Variants in ACO2 observed in about 807,000 individuals in gnomAD.
ACO2 encodes aconitase 2.
ACO2 carries 31 observed loss-of-function variants against 84.5 expected under a neutral mutation model. The ratio of observed to expected loss-of-function variants is 0.37; its 90% CI spans 0.28 to 0.50. ACO2 has a LOEUF of 0.50. ACO2 is among the 20% of genes least tolerant of loss of function. ACO2 has a pLI of 0.97. For missense variants in ACO2, 685 were observed against 1,029.3 expected, an observed-to-expected ratio of 0.67 and a Z score of 4.58; for synonymous variants, 414 against 412.7, an observed-to-expected ratio of 1.00 and a Z score of -0.04.
At chr22:41,522,645 A>G (rs545872291) in intron 9 of ACO2, among the ~76,000 whole-genome samples, 185 bp from the exon 10 acceptor site, 1 of 144,746 alleles carries the variant, frequency 6.9e-6, no homozygotes, top group South Asian at 2.4e-4. Flanking sequence ...ACGCCACGTC[A>G]TGAGTTAGCC....
chr22:41,497,091 C>CG (rs1401400231), intron 1 of ACO2, among the ~76,000 whole-genome samples: 1 of 150,678 alleles, frequency 6.6e-6, no homozygotes, highest in Non-Finnish European at 1.5e-5. Context: ...TTTTTCGAGA[C>CG]GGAGTTTCGC....
chr22:41,525,241 A>G lies in ACO2; in HGVS notation c.1654A>G (p.Ser552Gly). Residue 552 changes from serine (S) to glycine (G), a missense_variant, in exon 14 of 18, where the codon AGC becomes GGC. Ser to Gly is a moderately conservative substitution (Grantham distance 56). Around this residue, in one of 5 missense-constraint regions of ACO2, gnomAD observed 311 missense variants for 441.6 expected, o/e 0.70. Transcript: ENST00000216254. ...CTACCAGCACCCACCCAAGGACAGCAGCGGGCAGCATGTGGACGTGAGCCC... is the reference window on the plus strand; with the variant it reads ...CTACCAGCACCCACCCAAGGACAGCGGCGGGCAGCATGTGGACGTGAGCCC... Reference protein sequence around the residue: ...DTYQHPPKDSSGQHVDVSPTS... With the variant: ...DTYQHPPKDSGGQHVDVSPTS... 1 of 1,614,092 alleles carries G rather than the reference A, an allele frequency of 6.2e-7. No homozygotes were observed. The highest frequency in any genetic ancestry group is 8.5e-7 in the Non-Finnish European group (1 of 1,179,988).
chr22:41,514,997 C>T (rs2066464218), intron 4 of ACO2, among the ~76,000 whole-genome samples: 1 of 152,216 alleles, frequency 6.6e-6, no homozygotes, highest in Non-Finnish European at 1.5e-5. Flanking sequence ...GGTGGGGATG[C>T]TCCACACCCA....
At chr22:41,470,247 C>A (rs975666854) in intron 1 of ACO2, among the ~76,000 whole-genome samples, 3 of 152,184 alleles carry the variant, frequency 2.0e-5, no homozygotes, top group Non-Finnish European at 4.4e-5. Flanking sequence ...TCTCTGTCAA[C>A]CTTTCACATT....
rs2066470680 is a variant in ACO2, at chr22:41,515,702, C to T, written c.685-65C>T. On this transcript the variant is annotated intron_variant, in intron 5 of 17. Coordinates refer to ENST00000216254, the MANE Select transcript of ACO2 (RefSeq NM_001098.3). The surrounding 1 kb of genome is among the most constrained non-coding windows in gnomAD (Gnocchi z 5.8). ...GCAATGTGAATGGCAGCAGGGCCAT[C>T]CTGACTTCGTGGCTGGCACAGGCAC... 5 of 1,609,900 alleles carry T rather than the reference C, an allele frequency of 3.1e-6. No individual in the cohort carries two copies. Among genetic ancestry groups the T allele is most frequent in the Non-Finnish European group, 4.2e-6 (5 of 1,178,194 alleles).
chr22:41,469,546 A>T (rs1395191625), intron 1 of ACO2: 1 of 244,528 alleles, frequency 4.1e-6, no homozygotes, highest in African/African-American at 2.2e-5. Flanking sequence ...GTCGTTGTTG[A>T]GTCTTCTAGG....
intron 2 of ACO2, among the ~76,000 whole-genome samples, chr22:41,503,704 A>G (rs2066370796): frequency 1.3e-5 from 2 of 152,020 alleles, no homozygotes; most frequent in African/African-American, 4.8e-5. Flanking sequence ...CCTAGGGCCC[A>G]TTTGGTGATG....
At position 41,523,932 on chromosome 22, in the gene ACO2, G is replaced by A. The variant is rs148997312; in HGVS notation, c.1473G>A (p.Thr491=). The A allele has an allele frequency of 1.2e-5, 20 of 1,612,950 alleles. No individual in the cohort carries two copies. Among genetic ancestry groups the A allele is most frequent in the Middle Eastern group, 1.8e-4 (1 of 5,498 alleles). The change falls in exon 12 of 18, where the codon ACG becomes ACA. Residue 491 remains threonine, a synonymous_variant. Coordinates refer to ENST00000216254, the MANE Select transcript of ACO2 (RefSeq NM_001098.3). ...DANPETHAFV[T]SPEIVTALAI... is the part of the protein sequence containing the mutation. ...ACCCCGAGACCCATGCCTTTGTCAC[G>A]TCCCCAGAGGTGAGACTGCCCAGCT...
At position 41,507,807 on chromosome 22, in the gene ACO2, A is replaced by T. The variant is rs775780883; in HGVS notation, c.190A>T (p.Thr64Ser). ...TCCCCACAGACTGAACCGGCCGCTG[A>T]CACTCTCGGAGAAGATTGTGTATGG... ...IVRKRLNRPL[T>S]LSEKIVYGHL... The change falls in exon 3 of 18, where the codon ACA becomes TCA. Residue 64 changes from threonine to serine, a missense_variant. Thr to Ser is a moderately conservative substitution (Grantham distance 58). This residue lies in a region of ACO2 where 98 missense variants were observed against 107.6 expected (regional missense o/e 0.91). Transcript: ENST00000216254. 8 of 1,613,892 alleles carry T rather than the reference A, an allele frequency of 5.0e-6. No individual in the cohort carries two copies. In the East Asian group the frequency reaches 1.6e-4, roughly 31 times the overall value.
At chr22:41,478,435 C>T (rs1004886538) in intron 1 of ACO2, among the ~76,000 whole-genome samples, 2 of 152,152 alleles carry the variant, frequency 1.3e-5, no homozygotes, top group Non-Finnish European at 2.9e-5. Flanking sequence ...TGAGCCACTG[C>T]GCCTGGCCAA....
intron 1 of ACO2, among the ~76,000 whole-genome samples, chr22:41,485,951 T>C (rs923692043): frequency 3.3e-4 from 50 of 151,918 alleles, no homozygotes; most frequent in African/African-American, 1.2e-3. Context: ...CTTCACTTGG[T>C]GAGTCTCTGT....
intron 16 of ACO2, 21 bp from the exon 17 acceptor site, chr22:41,527,880 C>T (rs772585907): frequency 1.7e-5 from 28 of 1,614,106 alleles, no homozygotes; most frequent in Middle Eastern, 1.6e-4. Flanking sequence ...CCCCGATGAC[C>T]GAATGCCGCC....
chr22:41,513,606 C>T (rs560477936), intron 4 of ACO2, among the ~76,000 whole-genome samples: 1 of 61,036 alleles, frequency 1.6e-5, no homozygotes, highest in Non-Finnish European at 3.0e-5. Context: ...GATCTCTTCA[C>T]ATTATGTTCC....
intron 8 of ACO2, among the ~76,000 whole-genome samples, chr22:41,519,516 C>G (rs2066504315): frequency 6.6e-6 from 1 of 152,032 alleles, no homozygotes; most frequent in African/African-American, 2.4e-5. Flanking sequence ...TGTCATGATT[C>G]CAAAAGCGGC....
chr22:41,513,812 C>A (rs531504181), intron 4 of ACO2, among the ~76,000 whole-genome samples: 1 of 152,306 alleles, frequency 6.6e-6, no homozygotes, highest in East Asian at 1.9e-4. Flanking sequence ...TCCCAGCCCT[C>A]ACCCCCATCT....
intron 1 of ACO2, among the ~76,000 whole-genome samples, chr22:41,489,749 G>A (rs544079400): frequency 7.2e-5 from 11 of 151,798 alleles, no homozygotes; most frequent in African/African-American, 2.4e-4. Flanking sequence ...CGGTGGTGCC[G>A]TGTTTGATCT....
At chr22:41,523,060 G>T (rs1272560823) in intron 10 of ACO2, 73 bp downstream of exon 10, 1 of 1,588,026 alleles carries the variant, frequency 6.3e-7, no homozygotes, top group Non-Finnish European at 8.6e-7. Context: ...CACAAGCCCA[G>T]AGGCCTGTTG....
At chr22:41,500,030 G>A (rs982223517) in intron 2 of ACO2, among the ~76,000 whole-genome samples, 168 bp downstream of exon 2, 2 of 152,162 alleles carry the variant, frequency 1.3e-5, no homozygotes, top group African/African-American at 4.8e-5. Flanking sequence ...GATCAGTGGT[G>A]TAACTTCTGT....
intron 1 of ACO2, among the ~76,000 whole-genome samples, chr22:41,485,083 G>A (rs188585955): frequency 6.6e-6 from 1 of 151,976 alleles, no homozygotes; most frequent in Non-Finnish European, 1.5e-5. Context: ...CTCCATGTTG[G>A]TCAGGCTAGT....
Sources: allele counts gnomAD v4.1 joint callset (sites outside exome capture counted in the v4.1 genomes callset), GRCh38; gene constraint gnomAD v4.1.1; regional missense constraint gnomAD v4.1.1; non-coding constraint Gnocchi (gnomAD v3.1); transcripts MANE v1.5; gene names NCBI Gene and HGNC (gene_info 2026-07-23, HGNC 2026-07-21).